Variants in INPP5F observed in about 807,000 individuals in gnomAD.
INPP5F encodes phosphatidylinositide 4-phosphatase SAC2.
A neutral mutation model predicts 137.2 loss-of-function variants in INPP5F; 97 were observed. The observed-to-expected ratio is 0.71, with a 90% CI of 0.60 to 0.84. The LOEUF (loss-of-function observed/expected upper bound fraction) is 0.84. Among genes scored for constraint, INPP5F ranks in the 40% least tolerant of loss-of-function variants. INPP5F has a pLI of 0.00. For missense variants in INPP5F, 1,271 were observed against 1,371.9 expected, an observed-to-expected ratio of 0.93 and a Z score of 1.16; for synonymous variants, 504 against 476.9, an observed-to-expected ratio of 1.06 and a Z score of -0.74.
intron 1 of INPP5F, among the ~76,000 whole-genome samples, chr10:119,735,710 T>C (rs1238323597): frequency 6.6e-6 from 1 of 152,258 alleles, no homozygotes; most frequent in Non-Finnish European, 1.5e-5. Flanking sequence ...AGAATTCATC[T>C]GTGTAGCTGT....
intron 4 of INPP5F, 61 bp from the exon 5 acceptor site, chr10:119,791,808 T>C: frequency 7.0e-7 from 1 of 1,421,862 alleles, no homozygotes; most frequent in Non-Finnish European, 9.6e-7. Context: ...GGAATTTATG[T>C]GTTATCCCCA....
At chr10:119,765,170 G>A (rs567755644) in intron 2 of INPP5F, among the ~76,000 whole-genome samples, 1 of 151,322 alleles carries the variant, frequency 6.6e-6, no homozygotes, top group South Asian at 2.1e-4. Flanking sequence ...CTGACCTCAG[G>A]TGATCCACTT....
intron 1 of INPP5F, among the ~76,000 whole-genome samples, chr10:119,734,997 A>G (rs1218352979): frequency 1.3e-5 from 2 of 152,248 alleles, no homozygotes; most frequent in Non-Finnish European, 2.9e-5. Flanking sequence ...GTTAAAGGTT[A>G]TCAGTAGCTA....
At chr10:119,822,789 C>T (rs1851615378) in intron 17 of INPP5F, among the ~76,000 whole-genome samples, 1 of 152,176 alleles carries the variant, frequency 6.6e-6, no homozygotes, top group Admixed American at 6.5e-5. Flanking sequence ...TTAGAACTTC[C>T]TTTCTATTCA....
At chr10:119,757,742 G>T (rs1212148532) in intron 2 of INPP5F, among the ~76,000 whole-genome samples, 1 of 152,084 alleles carries the variant, frequency 6.6e-6, no homozygotes, top group East Asian at 1.9e-4. Context: ...AGTGAGCTGA[G>T]ATCTTGCCAC....
chr10:119,741,396 C>A (rs1325520137), intron 1 of INPP5F, among the ~76,000 whole-genome samples: 1 of 152,176 alleles, frequency 6.6e-6, no homozygotes, highest in Non-Finnish European at 1.5e-5. Context: ...TCTTCCTGCT[C>A]CCTGTCTTAT....
chr10:119,735,015 T>A (rs539340749), intron 1 of INPP5F, among the ~76,000 whole-genome samples: 14 of 152,360 alleles, frequency 9.2e-5, no homozygotes, highest in Admixed American at 2.6e-4. Context: ...CTATTGATAA[T>A]ACATTAAGTG....
At chr10:119,799,930 G>A (rs1211861060) in intron 9 of INPP5F, among the ~76,000 whole-genome samples, 1 of 152,004 alleles carries the variant, frequency 6.6e-6, no homozygotes, top group East Asian at 1.9e-4. Flanking sequence ...GTTGTTTAAT[G>A]AGAGGTAATG....
chr10:119,768,945 C>T (rs571780768), intron 2 of INPP5F, among the ~76,000 whole-genome samples: 110 of 152,190 alleles, frequency 7.2e-4, no homozygotes, highest in African/African-American at 2.5e-3. Context: ...AGGACTAGTG[C>T]CAAGAATGGT....
intron 1 of INPP5F, among the ~76,000 whole-genome samples, chr10:119,728,164 T>C (rs942638228): frequency 6.6e-6 from 1 of 152,208 alleles, no homozygotes; most frequent in Non-Finnish European, 1.5e-5. Context: ...GCACTTGAGA[T>C]TGGCATACTT....
Position 119,726,063 on chromosome 10 carries a change from G to GGCCGCCGCTGCGGCCGCCGCTGCC in INPP5F, c.-189_-188insGGCCGCCGCTGCCGCCGCCGCTGC. ...AGGAGCGGGGGGGAGAGGCCTCTAC[G>GGCCGCCGCTGCGGCCGCCGCTGCC]GCCGCCGCTGCCGCCGCCGCTGCCG... On this transcript the variant is annotated 5_prime_UTR_variant, in exon 1 of 20. Transcript: ENST00000650623. 2.7e-6 allele frequency: 1 copy of GGCCGCCGCTGCGGCCGCCGCTGCC among 366,010 alleles called. No homozygotes were observed. The highest frequency in any genetic ancestry group is 4.9e-6 in the Non-Finnish European group (1 of 206,138). 22.7% of individuals were successfully genotyped at this position (366,010 alleles called of 1,614,324 possible).
chr10:119,758,200 G>T (rs1341170987), intron 2 of INPP5F, among the ~76,000 whole-genome samples: 2 of 152,234 alleles, frequency 1.3e-5, no homozygotes, highest in Non-Finnish European at 2.9e-5. Context: ...TGGTGTGTAT[G>T]ACAGAAGAGC....
intron 2 of INPP5F, among the ~76,000 whole-genome samples, chr10:119,772,533 T>C (rs1362400765): frequency 6.6e-6 from 1 of 152,246 alleles, no homozygotes; most frequent in Non-Finnish European, 1.5e-5. Flanking sequence ...ATATGTTTCA[T>C]TTTTAATGGA....
rs1156548663 is a variant in INPP5F at position 119,726,058 on chromosome 10, T to TCTACGGCCGCCG, written c.-202_-191dup. ...AGGGGAGGAGCGGGGGGGAGAGGCC[T>TCTACGGCCGCCG]CTACGGCCGCCGCTGCCGCCGCCGC... On this transcript the variant is annotated 5_prime_UTR_variant, in exon 1 of 20. Transcript: ENST00000650623. 3 of 362,828 alleles carry TCTACGGCCGCCG rather than the reference T, an allele frequency of 8.3e-6. No homozygotes were observed. The highest frequency in any genetic ancestry group is 4.6e-5 in the East Asian group (1 of 21,836). The allele number at this position is 362,828 out of a possible 1,614,324, so 22.5% of individuals were successfully genotyped here. A position where few individuals can be genotyped will look rare whatever the true frequency, so the allele number is the denominator to read the frequency against.
In INPP5F at chr10:119,798,144, A is replaced by G. The variant is rs1029626907; in HGVS notation, c.1049-399A>G. ...CATTTAAATCTAATTAGATTACTGA[A>G]TGAGCTTGATTTTAAAAAAAATGTT... is the stretch of plus-strand genomic sequence containing the variant. On this transcript the variant is annotated intron_variant, in intron 8 of 19. Coordinates refer to ENST00000650623, the MANE Select transcript of INPP5F (RefSeq NM_014937.4). 7.2e-5 allele frequency among the ~76,000 whole-genome samples: 11 copies of G among 152,052 alleles called. No individual in the cohort carries two copies. The East Asian group carries it at 1.7e-3, about 24-fold the overall frequency.
intron 12 of INPP5F, among the ~76,000 whole-genome samples, chr10:119,806,896 G>A (rs1850814975): frequency 6.6e-6 from 1 of 151,784 alleles, no homozygotes; most frequent in African/African-American, 2.4e-5. Flanking sequence ...ACAGGTGAAG[G>A]AGCCTGTGTC....
At chr10:119,759,476 G>C in intron 2 of INPP5F, among the ~76,000 whole-genome samples, 1 of 151,896 alleles carries the variant, frequency 6.6e-6, no homozygotes, top group East Asian at 1.9e-4. Context: ...TGCAACCTCT[G>C]CCTCCTTGGT....
chr10:119,818,502 CTGACGA>C (rs761798909), intron 15 of INPP5F, among the ~76,000 whole-genome samples: 6 of 152,228 alleles, frequency 3.9e-5, no homozygotes, highest in Non-Finnish European at 7.3e-5. Context: ...GGCACTGTCC[CTGACGA>C]AGGCGAAGGC....
intron 10 of INPP5F, among the ~76,000 whole-genome samples, chr10:119,804,800 C>G (rs1173909282): frequency 6.6e-6 from 1 of 151,750 alleles, no homozygotes; most frequent in Admixed American, 6.6e-5. Context: ...GATCTGGGCT[C>G]ACTGCAACCT....
Sources: gnomAD v4.1 joint callset for allele counts (sites outside exome capture counted in the v4.1 genomes callset) on GRCh38, gnomAD v4.1.1 for gene constraint, MANE v1.5 for transcripts, NCBI Gene and HGNC (gene_info 2026-07-23, HGNC 2026-07-21) for gene names.